ATP9B: variants seen among roughly 807,000 people sequenced by gnomAD.
ATP9B encodes the protein probable phospholipid-transporting ATPase IIB.
ATP9B carries 110 observed loss-of-function variants against 146.1 expected under a neutral mutation model. That is an observed-to-expected ratio of 0.75 (90% CI 0.65 to 0.88). The LOEUF (loss-of-function observed/expected upper bound fraction) is 0.88. Among genes scored for constraint, ATP9B ranks in the 40% least tolerant of loss-of-function variants. The probability of loss-of-function intolerance (pLI) is 0.00; values close to 1 mark genes in which losing one functional copy is unlikely to be tolerated. For synonymous variants in ATP9B, 604 were observed against 569.7 expected, an observed-to-expected ratio of 1.06 and a Z score of -0.86; for missense variants, 1,499 against 1,496.4, an observed-to-expected ratio of 1.00 and a Z score of -0.03.
intron 4 of ATP9B, 133 bp from the exon 5 acceptor site, chr18:79,126,132 CTT>C (rs911908173): frequency 2.4e-5 from 16 of 661,424 alleles, no homozygotes; most frequent in African/African-American, 1.6e-4. Context: ...TACTTTTTGA[CTT>C]TTTTGGTTTT....
At chr18:79,299,720 G>A (rs930275305) in intron 13 of ATP9B, among the ~76,000 whole-genome samples, 1 of 152,218 alleles carries the variant, frequency 6.6e-6, no homozygotes, top group Non-Finnish European at 1.5e-5. Context: ...GGCTTGGAGA[G>A]CTTAAATCCA....
chr18:79,160,582 T>C (rs1193477474), intron 7 of ATP9B, among the ~76,000 whole-genome samples: 4 of 152,130 alleles, frequency 2.6e-5, no homozygotes, highest in Non-Finnish European at 5.9e-5. Flanking sequence ...ATTAATTAAG[T>C]GGAAAAGATT....
chr18:79,205,515 A>G (rs963003015), intron 9 of ATP9B, among the ~76,000 whole-genome samples: 5 of 152,198 alleles, frequency 3.3e-5, no homozygotes, highest in South Asian at 2.1e-4. Flanking sequence ...CCTGATAGCA[A>G]ATTATCATTT....
intron 12 of ATP9B, among the ~76,000 whole-genome samples, chr18:79,256,253 CTAGCTA>C (rs1568508291): frequency 4.7e-5 from 3 of 64,516 alleles, no homozygotes; most frequent in South Asian, 4.0e-4. Flanking sequence ...TGAATTCTAG[CTAGCTA>C]TATATATATA....
chr18:79,276,530 C>T (rs2145723982), intron 12 of ATP9B, among the ~76,000 whole-genome samples: 1 of 152,178 alleles, frequency 6.6e-6, no homozygotes, highest in East Asian at 1.9e-4. Flanking sequence ...CCTTGAGGCC[C>T]ATTTCCCATG....
At chr18:79,109,609 A>C (rs2075870604) in intron 2 of ATP9B, among the ~76,000 whole-genome samples, 2 of 145,064 alleles carry the variant, frequency 1.4e-5, no homozygotes, top group Admixed American at 7.1e-5. Context: ...TCTTTCGCCC[A>C]GGCTGAAGTG....
chr18:79,332,502 G>A (rs998662799), intron 17 of ATP9B, among the ~76,000 whole-genome samples: 3 of 152,202 alleles, frequency 2.0e-5, no homozygotes, highest in African/African-American at 7.2e-5. Context: ...GTGGGCCATC[G>A]TGAAGACCTT....
At chr18:79,157,405 A>AAAAAAAAAAC (rs1555714765) in intron 7 of ATP9B, among the ~76,000 whole-genome samples, 25 of 124,682 alleles carry the variant, frequency 2.0e-4, no homozygotes, top group East Asian at 1.3e-3. Flanking sequence ...TCAAAAAAAA[A>AAAAAAAAAAC]AAAAAAAAAA....
intron 8 of ATP9B, among the ~76,000 whole-genome samples, chr18:79,190,240 G>T (rs536270599): frequency 2.2e-4 from 33 of 152,100 alleles, no homozygotes; most frequent in African/African-American, 6.8e-4. Flanking sequence ...TGTAGTAAGT[G>T]ATATAATAGA....
intron 7 of ATP9B, among the ~76,000 whole-genome samples, chr18:79,173,391 C>T (rs1363005717): frequency 6.8e-6 from 1 of 148,112 alleles, no homozygotes; most frequent in East Asian, 2.0e-4. Flanking sequence ...TTTAGGAACT[C>T]ATCTTCCAGC....
In ATP9B at chr18:79,277,053, G is replaced by A. The variant is rs2096318755; in HGVS notation, c.1269-1G>A. The A allele has an allele frequency of 6.2e-7, 1 of 1,613,976 alleles. No individual in the cohort carries two copies. The highest frequency in any genetic ancestry group is 1.7e-5 in the Admixed American group (1 of 59,994). On this transcript the variant is annotated splice_acceptor_variant, in intron 12 of 29. Coordinates refer to ENST00000426216, the MANE Select transcript of ATP9B (RefSeq NM_198531.5). LOFTEE classifies it high-confidence loss of function. ...CCACTGCAATGGGTTTTATTTGGCA[G>A]TTTGCGTGTGAACTTGGACATGGGC...
At chr18:79,112,043 C>G (rs903660329) in intron 3 of ATP9B, among the ~76,000 whole-genome samples, 3 of 134,316 alleles carry the variant, frequency 2.2e-5, no homozygotes, top group Non-Finnish European at 5.4e-5. Context: ...CATTCTTAGA[C>G]AGCAGGTTGA....
intron 26 of ATP9B, among the ~76,000 whole-genome samples, chr18:79,368,517 T>C (rs2097049107): frequency 6.6e-6 from 1 of 152,182 alleles, no homozygotes; most frequent in African/African-American, 2.4e-5. Flanking sequence ...AAGTCCACCT[T>C]TAGGTGCACA....
chr18:79,279,981 C>T (rs2096359072), intron 13 of ATP9B, among the ~76,000 whole-genome samples: 1 of 151,104 alleles, frequency 6.6e-6, no homozygotes, highest in African/African-American at 2.4e-5. Context: ...TGCTTCTGTT[C>T]CCTACAGAAA....
At chr18:79,218,525 C>T (rs1251151864) in intron 11 of ATP9B, among the ~76,000 whole-genome samples, 4 of 151,860 alleles carry the variant, frequency 2.6e-5, no homozygotes, top group Non-Finnish European at 2.9e-5. Context: ...TGTTTCTTGT[C>T]GTATTTTCCT....
At chr18:79,339,127 G>A (rs543942953) in intron 19 of ATP9B, among the ~76,000 whole-genome samples, 5 of 150,368 alleles carry the variant, frequency 3.3e-5, no homozygotes, top group South Asian at 4.2e-4. Flanking sequence ...TGCCATGATC[G>A]AATTAGGAAA....
At chr18:79,091,896 A>G (rs1394909438) in intron 1 of ATP9B, among the ~76,000 whole-genome samples, 2 of 151,952 alleles carry the variant, frequency 1.3e-5, no homozygotes, top group Non-Finnish European at 2.9e-5. Flanking sequence ...TTCCACTTGT[A>G]TTGGTTTTGC....
At chr18:79,259,384 AT>A (rs1383794595) in intron 12 of ATP9B, among the ~76,000 whole-genome samples, 1 of 152,064 alleles carries the variant, frequency 6.6e-6, no homozygotes, top group African/African-American at 2.4e-5. Flanking sequence ...GTAGTTGATA[AT>A]GCAAAAACTG....
intron 13 of ATP9B, among the ~76,000 whole-genome samples, chr18:79,290,158 G>A (rs1312776300): frequency 2.0e-5 from 3 of 152,186 alleles, no homozygotes; most frequent in Admixed American, 6.5e-5. Flanking sequence ...GTCAGACAGG[G>A]ACATTTAAGT....
Sources: gnomAD v4.1 joint callset for allele counts (sites outside exome capture counted in the v4.1 genomes callset) on GRCh38, gnomAD v4.1.1 for gene constraint, MANE v1.5 for transcripts, NCBI Gene and HGNC (gene_info 2026-07-23, HGNC 2026-07-21) for gene names.